NKAIN1: variants seen among roughly 807,000 people sequenced by gnomAD.
The protein encoded by NKAIN1 is sodium/potassium transporting ATPase interacting 1.
A neutral mutation model predicts 31.6 loss-of-function variants in NKAIN1; 13 were observed. That is an observed-to-expected ratio of 0.41 (90% CI 0.27 to 0.65). NKAIN1 has a LOEUF of 0.65. NKAIN1 is among the 30% of genes least tolerant of loss of function. The probability of loss-of-function intolerance (pLI) is 0.30; values close to 1 mark genes in which losing one functional copy is unlikely to be tolerated. For missense variants in NKAIN1, 193 were observed against 262.2 expected (o/e 0.74, Z 1.82); for synonymous variants, 104 against 109.0 (o/e 0.95, Z 0.28).
At chr1:31,184,068 T>G in intron 3 of NKAIN1, 54 bp from the exon 4 acceptor site, 2 of 1,461,442 alleles carry the variant, frequency 1.4e-6, no homozygotes, top group South Asian at 2.4e-5. Context: ...AGGGGGGAGC[T>G]ACTCCCCCAG....
At position 31,239,583 on chromosome 1, in the gene NKAIN1, C is replaced by T; in HGVS notation, c.-36G>A. On this transcript the variant is annotated 5_prime_UTR_variant, in exon 1 of 7. Coordinates refer to ENST00000373736, the MANE Select transcript of NKAIN1 (RefSeq NM_024522.3). This position sits in a 1 kb window ranked among gnomAD's most constrained non-coding sequence, Gnocchi z 4.8. ...GCTGCGCGGGCCGCACGCCGCGGCG[C>T]CCTTCTTGCTCCGCGGCCGCCGCCT... is the stretch of plus-strand genomic sequence containing the variant. The T allele has an allele frequency of 8.4e-7, 1 of 1,187,696 alleles. No homozygotes were observed. Among genetic ancestry groups the T allele is most frequent in the Non-Finnish European group, 1.0e-6 (1 of 957,770 alleles). 73.6% of individuals were successfully genotyped at this position (1,187,696 alleles called of 1,614,324 possible). A position where few individuals can be genotyped will look rare whatever the true frequency, so the allele number is the denominator to read the frequency against.
intron 1 of NKAIN1, among the ~76,000 whole-genome samples, chr1:31,207,475 C>T (rs182196995): frequency 3.3e-4 from 50 of 152,198 alleles, no homozygotes; most frequent in Non-Finnish European, 5.4e-4. Context: ...GTTGCTCATA[C>T]AGAGGACTCA....
chr1:31,218,071 T>TCTC (rs201070152), intron 1 of NKAIN1, among the ~76,000 whole-genome samples: 1 of 133,614 alleles, frequency 7.5e-6, no homozygotes, highest in African/African-American at 2.8e-5. Context: ...TTTCTTTCTT[T>TCTC]TTTTTTTTTG....
intron 1 of NKAIN1, among the ~76,000 whole-genome samples, chr1:31,208,046 G>A (rs1229648576): frequency 2.0e-5 from 3 of 152,044 alleles, no homozygotes; most frequent in Admixed American, 6.6e-5. Flanking sequence ...AAGCATCACC[G>A]CTGTGGCCTG....
At chr1:31,234,304 A>C (rs1469273889) in intron 1 of NKAIN1, among the ~76,000 whole-genome samples, 1 of 152,166 alleles carries the variant, frequency 6.6e-6, no homozygotes, top group Non-Finnish European at 1.5e-5. Context: ...GTGAGCTTGC[A>C]GCTGCAGCTG....
intron 1 of NKAIN1, among the ~76,000 whole-genome samples, chr1:31,207,932 C>T (rs1645436600): frequency 6.6e-6 from 1 of 152,158 alleles, no homozygotes; most frequent in African/African-American, 2.4e-5. Context: ...AGTCAGGAAG[C>T]GGTAGAGGCA....
At chr1:31,229,282 C>T (rs980592754) in intron 1 of NKAIN1, among the ~76,000 whole-genome samples, 2 of 152,194 alleles carry the variant, frequency 1.3e-5, no homozygotes, top group Non-Finnish European at 2.9e-5. Context: ...TCAGGAAGCT[C>T]ACCTATGGTG....
chr1:31,192,029 G>A (rs1043637514), intron 1 of NKAIN1, among the ~76,000 whole-genome samples: 4 of 152,128 alleles, frequency 2.6e-5, no homozygotes, highest in African/African-American at 4.8e-5. Context: ...TCCTGCCTTG[G>A]CCTCCCAAAA....
At chr1:31,222,604 A>G (rs527463411) in intron 1 of NKAIN1, among the ~76,000 whole-genome samples, 1 of 152,164 alleles carries the variant, frequency 6.6e-6, no homozygotes, top group African/African-American at 2.4e-5. Context: ...GACTCAATGC[A>G]TCCTCTTCAA....
chr1:31,218,752 A>C (rs997569828), intron 1 of NKAIN1, among the ~76,000 whole-genome samples: 1 of 152,086 alleles, frequency 6.6e-6, no homozygotes, highest in African/African-American at 2.4e-5. Context: ...CCTGATACCA[A>C]CCAGCCCAGC....
chr1:31,181,837 G>C, intron 6 of NKAIN1, 23 bp downstream of exon 6: 1 of 1,595,748 alleles, frequency 6.3e-7, no homozygotes, highest in Non-Finnish European at 8.5e-7. Flanking sequence ...GCCTCCCCAA[G>C]CCAGCAGGGG....
Position 31,239,564 on chromosome 1 carries a change from C to G in NKAIN1, c.-17G>C. On this transcript the variant is annotated 5_prime_UTR_variant, in exon 1 of 7. Coordinates refer to ENST00000373736, the MANE Select transcript of NKAIN1 (RefSeq NM_024522.3). This position sits in a 1 kb window ranked among gnomAD's most constrained non-coding sequence, Gnocchi z 4.8. ...CTTGCCCATGGCTCCGGGGGCTGCG[C>G]GGGCCGCACGCCGCGGCGCCCTTCT... 14 of 1,227,886 alleles carry G rather than the reference C, an allele frequency of 1.1e-5. No individual in the cohort carries two copies. Among genetic ancestry groups the G allele is most frequent in the Non-Finnish European group, 1.4e-5 (14 of 984,102 alleles). 76.1% of individuals were successfully genotyped at this position (1,227,886 alleles called of 1,614,324 possible). A position where few individuals can be genotyped will look rare whatever the true frequency, so the allele number is the denominator to read the frequency against.
At chr1:31,215,949 G>T (rs1223956532) in intron 1 of NKAIN1, among the ~76,000 whole-genome samples, 1 of 152,138 alleles carries the variant, frequency 6.6e-6, no homozygotes, top group Non-Finnish European at 1.5e-5. Context: ...AATGAGGGAT[G>T]GGCCACTGCC....
intron 5 of NKAIN1, 126 bp from the exon 6 acceptor site, chr1:31,182,067 G>A (rs1570446567): frequency 1.1e-6 from 1 of 940,130 alleles, no homozygotes; most frequent in Non-Finnish European, 1.6e-6. Flanking sequence ...GAGAAGCCAT[G>A]AGGAGGGGAG....
At position 31,239,875 on chromosome 1, in the gene NKAIN1, G is replaced by T. The variant is rs1231673807; in HGVS notation, c.-328C>A. 1.3e-5 allele frequency among the ~76,000 whole-genome samples: 2 copies of T among 152,062 alleles called. No individual in the cohort carries two copies. Among genetic ancestry groups the T allele is most frequent in the Non-Finnish European group, 2.9e-5 (2 of 67,968 alleles). The stretch of plus-strand genomic sequence containing the variant: ...GAGCGAGCCCCGAGCGCGGCGCAGC[G>T]CAGAGCAGCACTGCCCAGCTGGGGC... On this transcript the variant is annotated 5_prime_UTR_variant, in exon 1 of 7. Transcript: ENST00000373736. This position sits in a 1 kb window ranked among gnomAD's most constrained non-coding sequence, Gnocchi z 4.8.
At chr1:31,184,089 C>G in intron 3 of NKAIN1, 75 bp from the exon 4 acceptor site, 1 of 1,338,272 alleles carries the variant, frequency 7.5e-7, no homozygotes, top group Non-Finnish European at 1.0e-6. Context: ...CCCAGGAAGA[C>G]TATATTGATC....
intron 2 of NKAIN1, among the ~76,000 whole-genome samples, chr1:31,187,302 G>T (rs1355799712): frequency 1.3e-5 from 2 of 152,180 alleles, no homozygotes; most frequent in Non-Finnish European, 2.9e-5. Context: ...CTGAGGAACA[G>T]CAGGGAATAT....
chr1:31,225,978 C>T (rs1188228352), intron 1 of NKAIN1, among the ~76,000 whole-genome samples: 2 of 152,230 alleles, frequency 1.3e-5, no homozygotes, highest in Non-Finnish European at 2.9e-5. Flanking sequence ...ACTTATGCTT[C>T]TTGAGCCTTA....
intron 1 of NKAIN1, among the ~76,000 whole-genome samples, chr1:31,202,971 G>GAA (rs1645394637): frequency 1.7e-5 from 1 of 57,496 alleles, no homozygotes. Context: ...GCGAGATTCC[G>GAA]TCTTAAAAAA....
Sources: allele counts gnomAD v4.1 joint callset (sites outside exome capture counted in the v4.1 genomes callset), GRCh38; gene constraint gnomAD v4.1.1; non-coding constraint Gnocchi (gnomAD v3.1); transcripts MANE v1.5; gene names NCBI Gene and HGNC (gene_info 2026-07-23, HGNC 2026-07-21).